RABGAP1L: variants seen among roughly 807,000 people sequenced by gnomAD.
The protein encoded by RABGAP1L is rab GTPase-activating protein 1-like.
Under a neutral mutation model 137.7 loss-of-function variants are expected in RABGAP1L, and 63 were observed. The ratio of observed to expected loss-of-function variants is 0.46; its 90% CI spans 0.37 to 0.56. RABGAP1L has a LOEUF of 0.56. Among genes scored for constraint, RABGAP1L ranks in the 20% least tolerant of loss-of-function variants. RABGAP1L has a pLI of 0.00. For missense variants in RABGAP1L, 1,095 were observed against 1,244.0 expected (o/e 0.88, Z 1.80); for synonymous variants, 431 against 433.7 (o/e 0.99, Z 0.08).
intron 1 of RABGAP1L, among the ~76,000 whole-genome samples, chr1:174,175,293 C>T (rs534342766): frequency 6.6e-6 from 1 of 152,156 alleles, no homozygotes; most frequent in African/African-American, 2.4e-5. Flanking sequence ...TGAACCATGT[C>T]GTCTTTTTGT....
chr1:174,795,314 T>C (rs1558085815), intron 18 of RABGAP1L, among the ~76,000 whole-genome samples: 1 of 152,162 alleles, frequency 6.6e-6, no homozygotes, highest in East Asian at 1.9e-4. Flanking sequence ...TAAATTCCTC[T>C]TGTGAAGGTG....
intron 19 of RABGAP1L, among the ~76,000 whole-genome samples, chr1:174,896,533 G>A (rs1048932312): frequency 6.6e-6 from 1 of 152,152 alleles, no homozygotes; most frequent in Non-Finnish European, 1.5e-5. Context: ...GTCCTGAATG[G>A]TATTGCCTAG....
At chr1:174,412,358 A>G (rs1343169057) in intron 13 of RABGAP1L, among the ~76,000 whole-genome samples, 2 of 151,954 alleles carry the variant, frequency 1.3e-5, no homozygotes, top group Admixed American at 6.6e-5. Context: ...TTTGGGTGTT[A>G]TTATGTGTGA....
At chr1:174,828,242 C>G (rs778393394) in intron 19 of RABGAP1L, among the ~76,000 whole-genome samples, 1 of 147,922 alleles carries the variant, frequency 6.8e-6, no homozygotes, top group South Asian at 2.2e-4. Context: ...ATAACTGTCT[C>G]ATAACTGGTC....
intron 14 of RABGAP1L, among the ~76,000 whole-genome samples, chr1:174,668,506 A>G (rs1676945553): frequency 6.6e-6 from 1 of 151,992 alleles, no homozygotes; most frequent in Admixed American, 6.6e-5. Context: ...TTATCCATTG[A>G]TCTGCTGTTA....
chr1:174,774,784 A>AT, intron 18 of RABGAP1L, among the ~76,000 whole-genome samples: 1 of 152,180 alleles, frequency 6.6e-6, no homozygotes, highest in African/African-American at 2.4e-5. Context: ...GGAGGCTGAG[A>AT]TGGGAGGATC....
chr1:174,639,379 A>T (rs972314142), intron 14 of RABGAP1L, among the ~76,000 whole-genome samples: 1 of 152,198 alleles, frequency 6.6e-6, no homozygotes, highest in African/African-American at 2.4e-5. Flanking sequence ...AAAAAAAGGT[A>T]TATGTTCATT....
Position 174,185,906 on chromosome 1 carries a change from G to A in RABGAP1L, c.-34+26249G>A, listed in dbSNP as rs141357427. ...CACCTGTAATCCCAGCACTTTGGGA[G>A]GCCAAGGTGGGCGGATCACCTAAGG... On this transcript the variant is annotated intron_variant, in intron 1 of 25. Coordinates refer to ENST00000681986, the MANE Select transcript of RABGAP1L (RefSeq NM_001366446.1). Among the ~76,000 whole-genome samples, 1,297 of 152,294 alleles carry A rather than the reference G, an allele frequency of 8.5e-3. 7 individuals are homozygous for A. The highest frequency in any genetic ancestry group is 0.017 in the Middle Eastern group (5 of 294).
chr1:174,180,625 T>C (rs1387579982), intron 1 of RABGAP1L, among the ~76,000 whole-genome samples: 1 of 152,046 alleles, frequency 6.6e-6, no homozygotes, highest in East Asian at 1.9e-4. Flanking sequence ...CCACCACGCC[T>C]GGCTAATTTT....
chr1:174,545,982 G>A (rs1665976328), intron 13 of RABGAP1L: 1 of 152,096 alleles, frequency 6.6e-6, no homozygotes, highest in Non-Finnish European at 1.5e-5. Flanking sequence ...CATTAAAGTA[G>A]AAAGTTTTAA....
chr1:174,711,033 C>T (rs1218896952), intron 17 of RABGAP1L, among the ~76,000 whole-genome samples: 10 of 152,214 alleles, frequency 6.6e-5, no homozygotes, highest in East Asian at 1.9e-4. Flanking sequence ...AGCTAAAGCC[C>T]GGCGAGAAGT....
intron 11 of RABGAP1L, among the ~76,000 whole-genome samples, chr1:174,364,410 A>G (rs906494358): frequency 1.4e-5 from 2 of 148,144 alleles, no homozygotes; most frequent in Admixed American, 6.7e-5. Context: ...GCCCGCCACT[A>G]CGCCCGGCTA....
At chr1:174,300,088 T>G (rs2148751684) in intron 10 of RABGAP1L, among the ~76,000 whole-genome samples, 1 of 152,362 alleles carries the variant, frequency 6.6e-6, no homozygotes, top group South Asian at 2.1e-4. Context: ...GTATGATTTT[T>G]GAACATATAT....
intron 13 of RABGAP1L, among the ~76,000 whole-genome samples, chr1:174,609,148 G>GA (rs1385719153): frequency 6.6e-6 from 1 of 151,912 alleles, no homozygotes; most frequent in East Asian, 1.9e-4. Flanking sequence ...TAAAACTTTG[G>GA]AAAAATGAAA....
intron 14 of RABGAP1L, among the ~76,000 whole-genome samples, chr1:174,650,295 C>CT (rs572116412): frequency 0.014 from 2,195 of 152,142 alleles, 33 homozygotes; most frequent in South Asian, 0.031. Context: ...CTAAAATTCT[C>CT]TTTTTTGGTT....
intron 13 of RABGAP1L, among the ~76,000 whole-genome samples, chr1:174,444,934 A>G (rs1295946338): frequency 1.3e-5 from 2 of 152,064 alleles, no homozygotes; most frequent in African/African-American, 4.8e-5. Context: ...TAAGAATAAT[A>G]ATAACCTATT....
At chr1:174,637,088 T>C (rs1291004802) in intron 13 of RABGAP1L, among the ~76,000 whole-genome samples, 2 of 152,186 alleles carry the variant, frequency 1.3e-5, no homozygotes, top group Non-Finnish European at 2.9e-5. Flanking sequence ...TCTAGTTTGC[T>C]TCAATGGAGA....
intron 13 of RABGAP1L, among the ~76,000 whole-genome samples, chr1:174,520,978 C>T (rs1053707577): frequency 2.0e-5 from 3 of 151,996 alleles, no homozygotes; most frequent in Admixed American, 1.3e-4. Context: ...TCCAGCGTGG[C>T]GACATAGCGA....
At chr1:174,526,176 C>T (rs935750361) in intron 13 of RABGAP1L, among the ~76,000 whole-genome samples, 3 of 151,964 alleles carry the variant, frequency 2.0e-5, no homozygotes, top group African/African-American at 7.2e-5. Context: ...GGGTATTAGT[C>T]CTTTGTTGGA....
Sources: allele counts gnomAD v4.1 joint callset (sites outside exome capture counted in the v4.1 genomes callset), GRCh38; gene constraint gnomAD v4.1.1; transcripts MANE v1.5; gene names NCBI Gene and HGNC (gene_info 2026-07-23, HGNC 2026-07-21).